PLCH1: variants seen among roughly 807,000 people sequenced by gnomAD.
PLCH1 encodes the protein phospholipase C eta 1.
A neutral mutation model predicts 126.7 loss-of-function variants in PLCH1; 60 were observed. The ratio of observed to expected loss-of-function variants is 0.47; its 90% CI spans 0.38 to 0.59. The LOEUF (loss-of-function observed/expected upper bound fraction) is 0.59, where lower values mean the gene tolerates loss of function less well. PLCH1 is among the 20% of genes least tolerant of loss of function. The pLI is 0.00. For synonymous variants in PLCH1, 719 were observed against 734.9 expected, an observed-to-expected ratio of 0.98 and a Z score of 0.35; for missense variants, 1,723 against 2,040.0, an observed-to-expected ratio of 0.84 and a Z score of 2.99.
intron 10 of PLCH1, among the ~76,000 whole-genome samples, chr3:155,526,456 TTC>T (rs1253471020): frequency 6.3e-5 from 9 of 142,812 alleles, no homozygotes; most frequent in South Asian, 4.6e-4. Context: ...TCTCTCTCTC[TTC>T]TCTCTTTCTC....
intron 2 of PLCH1, among the ~76,000 whole-genome samples, chr3:155,610,804 TA>T (rs949866333): frequency 4.7e-5 from 7 of 149,888 alleles, no homozygotes; most frequent in Admixed American, 1.3e-4. Context: ...ACAACACAAT[TA>T]AAAAAAAACA....
Position 155,537,201 on chromosome 3 carries a change from C to CAAAA in PLCH1, c.1362+12585_1362+12586insTTTT, listed in dbSNP as rs1560128167. On this transcript the variant is annotated intron_variant, in intron 10 of 22. Coordinates refer to ENST00000460012, the MANE Select transcript of PLCH1 (RefSeq NM_014996.4). Reference sequence around the variant, plus strand: ...GCTAGCACTACAAAAAAAAAAAAAACCAAAAAAAAAAAAAAAAAAAAAAAA... The same window carrying CAAAA: ...GCTAGCACTACAAAAAAAAAAAAAACAAAACAAAAAAAAAAAAAAAAAAAAAAAA... Among the ~76,000 whole-genome samples, 14 of 132,108 alleles carry CAAAA rather than the reference C, an allele frequency of 1.1e-4. 1 individual carries two copies. Among genetic ancestry groups the CAAAA allele is most frequent in the African/African-American group, 4.2e-4 (14 of 33,510 alleles). 86.7% of individuals were successfully genotyped at this position (132,108 alleles called of 152,430 possible). A position where few individuals can be genotyped will look rare whatever the true frequency, so the allele number is the denominator to read the frequency against.
At chr3:155,555,083 G>C (rs1233913845) in intron 8 of PLCH1, among the ~76,000 whole-genome samples, 1 of 152,172 alleles carries the variant, frequency 6.6e-6, no homozygotes, top group African/African-American at 2.4e-5. Flanking sequence ...TTGCTCAAAA[G>C]CCTACTTGGT....
At chr3:155,537,203 A>AAC (rs1723519077) in intron 10 of PLCH1, among the ~76,000 whole-genome samples, 96 of 984 alleles carry the variant, frequency 0.098, 3 homozygotes, top group African/African-American at 0.21. Flanking sequence ...AAAAAAAACC[A>AAC]AAAAAAAAAA....
intron 2 of PLCH1, among the ~76,000 whole-genome samples, chr3:155,609,993 T>C (rs1577132412): frequency 6.6e-6 from 1 of 152,070 alleles, no homozygotes; most frequent in East Asian, 1.9e-4. Flanking sequence ...CATGGAAAAC[T>C]TCCCTGGCCT....
At position 155,704,247 on chromosome 3, in the gene PLCH1, C is replaced by G. The variant is rs1347433818; in HGVS notation, c.-23G>C. ...CATTGTCAGAAGATTTCTGGCACAGCATCAAAACCAAATTGCCCTGTCAAG... is the reference window on the plus strand; with the variant it reads ...CATTGTCAGAAGATTTCTGGCACAGGATCAAAACCAAATTGCCCTGTCAAG... On this transcript the variant is annotated 5_prime_UTR_variant, in exon 2 of 23. The change abolishes an upstream ATG in the 5' untranslated region. Coordinates refer to ENST00000460012, the MANE Select transcript of PLCH1 (RefSeq NM_014996.4). 1 of 1,132,876 alleles carries G rather than the reference C, an allele frequency of 8.8e-7. No homozygotes were observed. Among genetic ancestry groups the G allele is most frequent in the Non-Finnish European group, 1.1e-6 (1 of 897,742 alleles). 70.2% of individuals were successfully genotyped at this position (1,132,876 alleles called of 1,614,324 possible).
chr3:155,468,249 G>A lies in PLCH1; in HGVS notation c.2938+17107C>T, dbSNP rs776868558. 3.2e-4 allele frequency among the ~76,000 whole-genome samples: 49 copies of A among 152,054 alleles called. 1 individual carries two copies. The highest frequency in any genetic ancestry group is 3.9e-4 in the East Asian group (2 of 5,176). On this transcript the variant is annotated intron_variant, in intron 21 of 21. Transcript: ENST00000494598. ...GGTAACCTCAAAGCAAAAGACATAC[G>A]AAGAATACACAAAAAAATAAAAAGC...
intron 9 of PLCH1, 151 bp from the exon 10 acceptor site, chr3:155,550,109 A>G (rs1725909111): frequency 5.4e-6 from 3 of 552,650 alleles, no homozygotes; most frequent in Non-Finnish European, 9.3e-6. Context: ...AATGAGAAAG[A>G]TTAGAAATGC....
Position 155,482,218 on chromosome 3 carries a change from T to TCTCTAACAC in PLCH1, c.3807_3808insGTGTTAGAG (p.Thr1269_Thr1270insValLeuGlu), listed in dbSNP as rs1218722780. On this transcript the variant is annotated inframe_insertion, in exon 23 of 23. Transcript: ENST00000460012. Reference sequence around the variant, plus strand: ...TTGGTTTTAGAGATGGGAGTGCAGGTAGTTTCATAAACTGTGTTCGTTGCA... The same window carrying TCTCTAACAC: ...TTGGTTTTAGAGATGGGAGTGCAGGTCTCTAACACAGTTTCATAAACTGTGTTCGTTGCA... 1.2e-5 allele frequency: 20 copies of TCTCTAACAC among 1,614,074 alleles called. No individual in the cohort carries two copies. Among genetic ancestry groups the TCTCTAACAC allele is most frequent in the African/African-American group, 4.0e-5 (3 of 74,916 alleles).
intron 2 of PLCH1, among the ~76,000 whole-genome samples, chr3:155,635,841 TAC>T (rs1738657515): frequency 6.6e-6 from 1 of 152,242 alleles, no homozygotes; most frequent in African/African-American, 2.4e-5. Context: ...ACTGTTTAGA[TAC>T]TTTTGGCTGC....
intron 2 of PLCH1, among the ~76,000 whole-genome samples, chr3:155,662,157 T>C (rs1742235617): frequency 6.6e-6 from 1 of 152,132 alleles, no homozygotes; most frequent in Non-Finnish European, 1.5e-5. Flanking sequence ...TGCCATGATC[T>C]GAAAACTGTA....
intron 2 of PLCH1, among the ~76,000 whole-genome samples, chr3:155,645,418 A>G (rs1171769436): frequency 6.6e-6 from 1 of 152,160 alleles, no homozygotes; most frequent in Non-Finnish European, 1.5e-5. Flanking sequence ...TTTTACTCCT[A>G]GTATAAGACA....
At chr3:155,565,420 C>T (rs1475777413) in intron 7 of PLCH1, among the ~76,000 whole-genome samples, 1 of 151,986 alleles carries the variant, frequency 6.6e-6, no homozygotes, top group Non-Finnish European at 1.5e-5. Context: ...TTTGCAGTAG[C>T]GCATGAGTTC....
intron 6 of PLCH1, among the ~76,000 whole-genome samples, chr3:155,573,129 T>G (rs148726388): frequency 6.6e-6 from 1 of 152,228 alleles, no homozygotes; most frequent in African/African-American, 2.4e-5. Flanking sequence ...TAAAGTTTCC[T>G]CCTCCTTGCA....
chr3:155,492,300 C>T (rs1174124231), intron 18 of PLCH1, among the ~76,000 whole-genome samples: 1 of 152,178 alleles, frequency 6.6e-6, no homozygotes, highest in Non-Finnish European at 1.5e-5. Context: ...ACAGGTACAG[C>T]AGATGATAAT....
chr3:155,520,657 T>C (rs1375567456), intron 11 of PLCH1, among the ~76,000 whole-genome samples: 3 of 152,222 alleles, frequency 2.0e-5, no homozygotes, highest in African/African-American at 7.2e-5. Flanking sequence ...TGAATAATGG[T>C]GACTTCGCCT....
At chr3:155,590,810 T>C (rs1172850806) in intron 4 of PLCH1, among the ~76,000 whole-genome samples, 1 of 152,182 alleles carries the variant, frequency 6.6e-6, no homozygotes, top group Non-Finnish European at 1.5e-5. Context: ...CAAATATGTA[T>C]GAAAATGATT....
chr3:155,604,575 G>A (rs1312131445), intron 2 of PLCH1, among the ~76,000 whole-genome samples: 2 of 152,182 alleles, frequency 1.3e-5, no homozygotes, highest in Non-Finnish European at 2.9e-5. Flanking sequence ...TCAGTAGTTT[G>A]TTAAATGTCA....
intron 19 of PLCH1, among the ~76,000 whole-genome samples, chr3:155,489,504 A>G (rs990149108): frequency 6.6e-6 from 1 of 152,208 alleles, no homozygotes. Flanking sequence ...TGATGTTCAT[A>G]GACAATAATG....
Sources: gnomAD v4.1 joint callset for allele counts (sites outside exome capture counted in the v4.1 genomes callset) on GRCh38, gnomAD v4.1.1 for gene constraint, MANE v1.5 for transcripts, NCBI Gene and HGNC (gene_info 2026-07-23, HGNC 2026-07-21) for gene names.